CENPF: variants seen among roughly 807,000 people sequenced by gnomAD.
CENPF encodes the protein AH antigen.
In CENPF, 214 loss-of-function variants were observed where a neutral mutation model predicts 307.3. That is an observed-to-expected ratio of 0.70 (90% confidence interval 0.62 to 0.78). CENPF has a LOEUF of 0.78. Among genes scored for constraint, CENPF ranks in the 30% least tolerant of loss-of-function variants. The probability of loss-of-function intolerance (pLI) is 0.00; values close to 1 mark genes in which losing one functional copy is unlikely to be tolerated. For synonymous variants in CENPF, 1,259 were observed against 1,270.6 expected (o/e 0.99, Z 0.19); for missense variants, 3,401 against 3,483.9 (o/e 0.98, Z 0.60).
chr1:214,634,698 C>T (rs1276021980), intron 10 of CENPF, among the ~76,000 whole-genome samples: 1 of 152,218 alleles, frequency 6.6e-6, no homozygotes, highest in Non-Finnish European at 1.5e-5. Flanking sequence ...GCATTGTTTG[C>T]TGTCACCTAC....
chr1:214,640,700 G>C lies in CENPF; in HGVS notation c.2362G>C (p.Asp788His), dbSNP rs1262044893. The change falls in exon 12 of 20, where the codon GAT becomes CAT. Residue 788 changes from aspartate (D) to histidine (H), a missense_variant. By Grantham distance (81) the Asp-to-His change is moderately conservative. Coordinates refer to ENST00000366955, the MANE Select transcript of CENPF (RefSeq NM_016343.4). The stretch of plus-strand genomic sequence containing the variant: ...TCATCAGAGAAGTCTTTTGGCTTTT[G>C]ATCAGCAGCCTGCCATGCATCATTC... ...EDHQRSLLAF[D>H]QQPAMHHSFA... 1 of 1,613,888 alleles carries C rather than the reference G, an allele frequency of 6.2e-7. No homozygotes were observed. The highest frequency in any genetic ancestry group is 8.5e-7 in the Non-Finnish European group (1 of 1,179,988).
chr1:214,663,410 G>C (rs1658834634), intron 19 of CENPF, among the ~76,000 whole-genome samples, 181 bp from the exon 20 acceptor site: 1 of 152,282 alleles, frequency 6.6e-6, no homozygotes, highest in East Asian at 1.9e-4. Flanking sequence ...GGTTGTACCT[G>C]GTATCCTCCT....
chr1:214,628,336 A>G (rs1657710883), intron 7 of CENPF, among the ~76,000 whole-genome samples: 1 of 151,880 alleles, frequency 6.6e-6, no homozygotes, highest in Non-Finnish European at 1.5e-5. Context: ...AAGGAGTGCC[A>G]GTAGAGGGCG....
intron 14 of CENPF, 39 bp from the exon 15 acceptor site, chr1:214,651,671 G>C (rs973453777): frequency 1.4e-6 from 2 of 1,426,610 alleles, no homozygotes; most frequent in African/African-American, 2.9e-5. Flanking sequence ...TCTTAATTAT[G>C]AGGAGGTGCT....
chr1:214,630,733 A>G (rs778863406), intron 9 of CENPF, 71 bp downstream of exon 9: 18 of 1,539,778 alleles, frequency 1.2e-5, no homozygotes, highest in Non-Finnish European at 1.6e-5. Flanking sequence ...CTTCTCTACC[A>G]TAACTGACAT....
chr1:214,661,369 C>T (rs1215006304), intron 19 of CENPF, among the ~76,000 whole-genome samples: 3 of 152,128 alleles, frequency 2.0e-5, no homozygotes, highest in African/African-American at 7.2e-5. Context: ...TGCTTGCTGC[C>T]TCATCTGTTA....
chr1:214,641,969 G>C lies in CENPF; in HGVS notation c.3631G>C (p.Val1211Leu), dbSNP rs1658130510. Reference sequence around the variant, plus strand: ...TCTAGATAGTTATAATGCGCAGTTGGTGCAATTAGAAGCTATGCTAAGAAA... The same window carrying C: ...TCTAGATAGTTATAATGCGCAGTTGCTGCAATTAGAAGCTATGCTAAGAAA... ...ISLDSYNAQL[V>L]QLEAMLRNKE... The change falls in exon 12 of 20, where the codon GTG becomes CTG. Residue 1211 changes from valine to leucine, a missense_variant. Coordinates refer to ENST00000366955, the MANE Select transcript of CENPF (RefSeq NM_016343.4). The C allele has an allele frequency of 2.5e-6, 4 of 1,604,114 alleles. No individual in the cohort carries two copies. Among genetic ancestry groups the C allele is most frequent in the Non-Finnish European group, 3.4e-6 (4 of 1,177,450 alleles).
At chr1:214,632,663 G>C in intron 10 of CENPF, 61 bp downstream of exon 10, 1 of 1,583,522 alleles carries the variant, frequency 6.3e-7, no homozygotes, top group Non-Finnish European at 8.6e-7. Flanking sequence ...AAGGGGAAAA[G>C]AATATTCCTA....
intron 12 of CENPF, among the ~76,000 whole-genome samples, chr1:214,644,167 G>GTATC (rs1283739144): frequency 6.6e-6 from 1 of 152,198 alleles, no homozygotes; most frequent in Non-Finnish European, 1.5e-5. Context: ...TTATTAAAGA[G>GTATC]TATCATAAAT....
intron 9 of CENPF, 79 bp from the exon 10 acceptor site, chr1:214,632,401 T>C: frequency 6.7e-7 from 1 of 1,490,110 alleles, no homozygotes; most frequent in Non-Finnish European, 9.2e-7. Context: ...TCCATGACCA[T>C]TTTATTGTTT....
intron 1 of CENPF, among the ~76,000 whole-genome samples, chr1:214,604,241 G>C (rs1656964170): frequency 1.3e-5 from 2 of 152,134 alleles, no homozygotes; most frequent in Non-Finnish European, 2.9e-5. Context: ...CGGGCATGAA[G>C]AGTGCCCTCC....
chr1:214,624,955 C>T (rs2102542707), intron 7 of CENPF, among the ~76,000 whole-genome samples: 1 of 151,800 alleles, frequency 6.6e-6, no homozygotes, highest in East Asian at 1.9e-4. Flanking sequence ...ACATATTTTG[C>T]AGCTCTGTTG....
At chr1:214,633,245 G>C (rs907003771) in intron 10 of CENPF, among the ~76,000 whole-genome samples, 11 of 152,210 alleles carry the variant, frequency 7.2e-5, no homozygotes, top group African/African-American at 2.4e-4. Flanking sequence ...GTGGATGAGG[G>C]TTCCTGAATG....
In CENPF at chr1:214,642,398, G is replaced by A. The variant is rs1173084947; in HGVS notation, c.4060G>A (p.Gly1354Ser). The A allele has an allele frequency of 1.2e-6, 2 of 1,605,746 alleles. No individual in the cohort carries two copies. Among genetic ancestry groups the A allele is most frequent in the African/African-American group, 1.3e-5 (1 of 74,582 alleles). ...AGTTAAAATATTAAATGATGACAGT[G>A]GTCTTCTCCATGGTGAGTTAGTGGA... ...NEVKILNDDS[G>S]LLHGELVEDI... The change falls in exon 12 of 20, where the codon GGT becomes AGT. Residue 1354 changes from glycine to serine, a missense_variant. Coordinates refer to ENST00000366955, the MANE Select transcript of CENPF (RefSeq NM_016343.4).
At position 214,622,172 on chromosome 1, in the gene CENPF, T is replaced by C; in HGVS notation, c.959T>C (p.Leu320Pro). The stretch of plus-strand genomic sequence containing the variant: ...GTGAATAAGTTTCAAGAACTCCAAC[T>C]CCAACTGGAGAAAGCAAAAGTGGAA... ...GQVNKFQELQ[L>P]QLEKAKVELI... The change falls in exon 7 of 20, where the codon CTC becomes CCC. Residue 320 changes from leucine to proline, a missense_variant. By Grantham distance (98) the Leu-to-Pro change is moderately conservative (BLOSUM62 -3). Coordinates refer to ENST00000366955, the MANE Select transcript of CENPF (RefSeq NM_016343.4). 1 of 1,613,930 alleles carries C rather than the reference T, an allele frequency of 6.2e-7. No homozygotes were observed. The highest frequency in any genetic ancestry group is 8.5e-7 in the Non-Finnish European group (1 of 1,179,918).
rs764414066 is a variant in CENPF at position 214,620,693 on chromosome 1, C to A, written c.612C>A (p.His204Gln). ...CTCTTCCACAAGCCACCATGAATCA[C>A]CGCGACATTGCCCGGCATCAGGCTT... ...SQTLPQATMNHRDIARHQASS... is the reference protein window; with the variant it reads ...SQTLPQATMNQRDIARHQASS... Residue 204 changes from histidine (H) to glutamine (Q), a missense_variant, in exon 6 of 20, where the codon CAC becomes CAA. Coordinates refer to ENST00000366955, the MANE Select transcript of CENPF (RefSeq NM_016343.4). The A allele has an allele frequency of 1.4e-5, 22 of 1,614,102 alleles. No individual in the cohort carries two copies. Among genetic ancestry groups the A allele is most frequent in the Non-Finnish European group, 1.8e-5 (21 of 1,180,006 alleles).
chr1:214,620,806 C>T lies in CENPF; in HGVS notation c.725C>T (p.Ser242Phe), dbSNP rs1029717757. The change falls in exon 6 of 20, where the codon TCT (serine) becomes TTT (phenylalanine). Residue 242 changes from serine to phenylalanine, a missense_variant. Coordinates refer to ENST00000366955, the MANE Select transcript of CENPF (RefSeq NM_016343.4). ...SQRTPIRRDF[S>F]ASYFSGEQEV... is the part of the protein sequence containing the mutation. Reference sequence around the variant, plus strand: ...AGAACTCCAATTAGGAGAGATTTCTCTGCATCTTACTTTTCTGGGGAACAA... The same window carrying T: ...AGAACTCCAATTAGGAGAGATTTCTTTGCATCTTACTTTTCTGGGGAACAA... 1.5e-5 allele frequency: 25 copies of T among 1,614,058 alleles called. No individual in the cohort carries two copies. Among genetic ancestry groups the T allele is most frequent in the Non-Finnish European group, 2.1e-5 (25 of 1,180,024 alleles).
In CENPF at chr1:214,630,492, C is replaced by T. The variant is rs758161321; in HGVS notation, c.1195-42C>T. 3.9e-5 allele frequency: 63 copies of T among 1,610,826 alleles called. No individual in the cohort carries two copies. In the Middle Eastern group the frequency reaches 6.9e-4, roughly 18 times the overall value. ...ATGCCTCACCCTGGAGTCTCCCTAG[C>T]GAACCATCATCAGGCTGATGCACCT... On this transcript the variant is annotated intron_variant, in intron 8 of 19. Coordinates refer to ENST00000366955, the MANE Select transcript of CENPF (RefSeq NM_016343.4).
At chr1:214,624,244 T>C (rs931497141) in intron 7 of CENPF, among the ~76,000 whole-genome samples, 1 of 152,144 alleles carries the variant, frequency 6.6e-6, no homozygotes, top group African/African-American at 2.4e-5. Flanking sequence ...CTTTCTTTTT[T>C]TCCCCTGCCA....
Sources: allele counts gnomAD v4.1 joint callset (sites outside exome capture counted in the v4.1 genomes callset), GRCh38; gene constraint gnomAD v4.1.1; transcripts MANE v1.5; gene names NCBI Gene and HGNC (gene_info 2026-07-23, HGNC 2026-07-21).